Variants in ARHGAP36 observed in about 807,000 individuals in gnomAD.
The protein encoded by ARHGAP36 is rho GTPase-activating protein 36.
In ARHGAP36, 7 loss-of-function variants were observed where a neutral mutation model predicts 32.9. That is an observed-to-expected ratio of 0.21 (90% CI 0.12 to 0.40). The LOEUF (loss-of-function observed/expected upper bound fraction) is 0.40, where lower values mean the gene tolerates loss of function less well. Ranked by LOEUF, ARHGAP36 falls within the 10% of genes least tolerant of loss-of-function variation. The pLI is 1.00. For synonymous variants in ARHGAP36, 165 were observed against 168.3 expected, an observed-to-expected ratio of 0.98 and a Z score of 0.15; for missense variants, 383 against 442.2, an observed-to-expected ratio of 0.87 and a Z score of 1.20.
intron 1 of ARHGAP36, among the ~76,000 whole-genome samples, chrX:131,074,448 T>C (rs1465061405): frequency 9.1e-6 from 1 of 109,953 alleles, no homozygotes; most frequent in Non-Finnish European, 1.9e-5. Flanking sequence ...TATGTGTGTG[T>C]GTGTGTGTCT....
At chrX:131,078,268 G>A (rs376885318) in intron 1 of ARHGAP36, among the ~76,000 whole-genome samples, 2 of 112,121 alleles carry the variant, frequency 1.8e-5, no homozygotes, top group Admixed American at 9.4e-5. Flanking sequence ...AGGCCACTGA[G>A]ACTCAGAGAA....
intron 1 of ARHGAP36, among the ~76,000 whole-genome samples, chrX:131,081,308 A>C (rs898173872): frequency 1.8e-5 from 2 of 110,290 alleles, no homozygotes; most frequent in African/African-American, 3.3e-5. Flanking sequence ...AAAAAAAAAA[A>C]CCTCTAAAAA....
chrX:131,086,745 C>T lies in ARHGAP36; in HGVS notation c.1486+80C>T, dbSNP rs2079837731. 6.8e-6 allele frequency: 6 copies of T among 883,666 alleles called. No individual in the cohort carries two copies. In the Admixed American group the frequency reaches 1.6e-4, roughly 23 times the overall value. The allele number at this position is 883,666 out of a possible 1,213,427, so 72.8% of individuals were successfully genotyped here. A position where few individuals can be genotyped will look rare whatever the true frequency, so the allele number is the denominator to read the frequency against. On this transcript the variant is annotated intron_variant, in intron 11 of 11. Transcript: ENST00000276211. The stretch of plus-strand genomic sequence containing the variant: ...GTCAGGCCCTTTTTGAAGGCCAGGT[C>T]GTTGCTGAAGATGAGCCCCTTGAGG...
chrX:131,083,641 G>A lies in ARHGAP36; in HGVS notation c.320-93G>A. 4 of 930,539 alleles carry A rather than the reference G, an allele frequency of 4.3e-6. No homozygotes were observed. The South Asian group carries it at 8.2e-5, about 19-fold the overall frequency. 76.7% of individuals were successfully genotyped at this position (930,539 alleles called of 1,213,427 possible). A position where few individuals can be genotyped will look rare whatever the true frequency, so the allele number is the denominator to read the frequency against. On this transcript the variant is annotated intron_variant, in intron 3 of 11. Coordinates refer to ENST00000276211, the MANE Select transcript of ARHGAP36 (RefSeq NM_144967.4). ...GGAGAGGTGGGGTTGGCTGCGGGTG[G>A]TTGCTGGGAGGAGTGCTACAGCCCC...
At chrX:131,077,238 G>T (rs930614746) in intron 1 of ARHGAP36, among the ~76,000 whole-genome samples, 5 of 112,127 alleles carry the variant, frequency 4.5e-5, no homozygotes, top group Non-Finnish European at 9.4e-5. Context: ...ATCCATTGCC[G>T]CTGCCTGTAG....
At chrX:131,063,161 G>C (rs148899747) in intron 1 of ARHGAP36, among the ~76,000 whole-genome samples, 1 of 111,656 alleles carries the variant, frequency 9.0e-6, no homozygotes, top group Non-Finnish European at 1.9e-5. Context: ...TGTTTCCTTC[G>C]GCAGTATCAT....
chrX:131,069,669 T>C (rs1360850207), intron 1 of ARHGAP36, among the ~76,000 whole-genome samples: 1 of 111,358 alleles, frequency 9.0e-6, no homozygotes, highest in Non-Finnish European at 1.9e-5. Flanking sequence ...ACTTGCAATA[T>C]GCTGTATTTA....
intron 4 of ARHGAP36, 105 bp from the exon 5 acceptor site, chrX:131,084,110 C>A: frequency 9.5e-7 from 1 of 1,050,490 alleles, no homozygotes; most frequent in Non-Finnish European, 1.3e-6. Flanking sequence ...TGGCTTGCCA[C>A]AAAGGGAATG....
At chrX:131,081,323 CTAAT>C (rs2079796725) in intron 1 of ARHGAP36, among the ~76,000 whole-genome samples, 197 bp from the exon 2 acceptor site, 2 of 110,529 alleles carry the variant, frequency 1.8e-5, no homozygotes, top group South Asian at 3.8e-4. Flanking sequence ...TAAAAACGCT[CTAAT>C]TAATTAACTA....
chrX:131,069,193 CG>C (rs980041222), intron 1 of ARHGAP36, among the ~76,000 whole-genome samples: 7 of 112,301 alleles, frequency 6.2e-5, no homozygotes, highest in Non-Finnish European at 9.4e-5. Context: ...GTGGTGGCGG[CG>C]GGGGTCACTC....
chrX:131,068,936 C>A (rs5932832), intron 1 of ARHGAP36, among the ~76,000 whole-genome samples: 182 of 111,958 alleles, frequency 1.6e-3, no homozygotes, highest in Non-Finnish European at 2.7e-3. Flanking sequence ...TCCCCCCTCC[C>A]GCTTATGTCA....
At chrX:131,069,572 G>A (rs1033566876) in intron 1 of ARHGAP36, among the ~76,000 whole-genome samples, 5 of 111,763 alleles carry the variant, frequency 4.5e-5, no homozygotes, top group African/African-American at 1.3e-4. Flanking sequence ...AAAGAAAGGG[G>A]ATTAGAGTCT....
Position 131,081,898 on chromosome X carries a change from C to T in ARHGAP36, c.233C>T (p.Ser78Phe). 2 of 1,211,787 alleles carry T rather than the reference C, an allele frequency of 1.7e-6. No individual in the cohort carries two copies. Among genetic ancestry groups the T allele is most frequent in the African/African-American group, 1.7e-5 (1 of 57,813 alleles). Residue 78 changes from serine (S) to phenylalanine (F), a missense_variant, in exon 2 of 12, where the codon TCC (serine) becomes TTC (phenylalanine). By Grantham distance (155) the Ser-to-Phe change is radical. Coordinates refer to ENST00000276211, the MANE Select transcript of ARHGAP36 (RefSeq NM_144967.4). ...GAACTCGTGGCCAGACATTTCCTCT[C>T]CGAATTCAAACCTGACAGAGGTAAG... is the stretch of plus-strand genomic sequence containing the variant. Reference protein sequence around the residue: ...YHELVARHFLSEFKPDRALPI... With the variant: ...YHELVARHFLFEFKPDRALPI...
At chrX:131,065,703 A>G (rs1163474113) in intron 1 of ARHGAP36, among the ~76,000 whole-genome samples, 1 of 111,587 alleles carries the variant, frequency 9.0e-6, no homozygotes, top group Admixed American at 9.4e-5. Context: ...TGGCTACATA[A>G]TACTTTAGGC....
rs759921181 is a variant in ARHGAP36 at position 131,088,877 on chromosome X, A to T, written c.*92A>T. 9.1e-7 allele frequency: 1 copy of T among 1,099,000 alleles called. No homozygotes were observed. Among genetic ancestry groups the T allele is most frequent in the Non-Finnish European group, 1.2e-6 (1 of 832,051 alleles). 90.6% of individuals were successfully genotyped at this position (1,099,000 alleles called of 1,213,427 possible). A position where few individuals can be genotyped will look rare whatever the true frequency, so the allele number is the denominator to read the frequency against. On this transcript the variant is annotated 3_prime_UTR_variant, in exon 12 of 12. Transcript: ENST00000276211. Reference sequence around the variant, plus strand: ...AAACATTAAGGAGAGAGTTGAAGGTAAAGATCTGAAGGTAAGAAGGAGTTC... The same window carrying T: ...AAACATTAAGGAGAGAGTTGAAGGTTAAGATCTGAAGGTAAGAAGGAGTTC...
intron 11 of ARHGAP36, among the ~76,000 whole-genome samples, chrX:131,088,249 A>G (rs1048968759): frequency 8.9e-6 from 1 of 112,789 alleles, no homozygotes; most frequent in African/African-American, 3.2e-5. Context: ...GTAAGCTTTC[A>G]GCTCTAGCTT....
chrX:131,064,846 C>T (rs1041832925), intron 1 of ARHGAP36, among the ~76,000 whole-genome samples: 3 of 111,925 alleles, frequency 2.7e-5, no homozygotes, highest in Admixed American at 9.4e-5. Flanking sequence ...GTGCCCTGCT[C>T]CTCCAGATTC....
At chrX:131,086,781 C>A (rs2079837928) in intron 11 of ARHGAP36, 116 bp downstream of exon 11, 1 of 550,347 alleles carries the variant, frequency 1.8e-6, no homozygotes, top group Admixed American at 3.6e-5. Context: ...AAGATGAGTC[C>A]TCTGAGGAAG....
chrX:131,069,414 G>A (rs1442281860), intron 1 of ARHGAP36, among the ~76,000 whole-genome samples: 1 of 112,128 alleles, frequency 8.9e-6, no homozygotes, highest in Admixed American at 9.4e-5. Flanking sequence ...GACTAACGTG[G>A]TAAGTCGCTG....
Sources: gnomAD v4.1 joint callset for allele counts (sites outside exome capture counted in the v4.1 genomes callset) on GRCh38, gnomAD v4.1.1 for gene constraint, MANE v1.5 for transcripts, NCBI Gene and HGNC (gene_info 2026-07-23, HGNC 2026-07-21) for gene names.